The following CFAP70 variants were observed in gnomAD, a reference collection of about 807,000 sequenced individuals.
CFAP70 encodes the protein cilia and flagella associated protein 70, also known as cilia- and flagella-associated protein 70.
In CFAP70, 81 loss-of-function variants were observed where a neutral mutation model predicts 137.6. The ratio of observed to expected loss-of-function variants is 0.59; its 90% confidence interval spans 0.49 to 0.71. The LOEUF (loss-of-function observed/expected upper bound fraction) is 0.71, where lower values mean the gene tolerates loss of function less well. CFAP70 is among the 30% of genes least tolerant of loss of function. The pLI, the probability that CFAP70 is intolerant of heterozygous loss-of-function variation, is 0.00. For missense variants in CFAP70, 976 were observed against 1,226.7 expected (o/e 0.80, Z 3.05); for synonymous variants, 382 against 423.6 (o/e 0.90, Z 1.20).
chr10:73,316,475 T>TATAG (rs1410688655), intron 9 of CFAP70, among the ~76,000 whole-genome samples: 12 of 116,326 alleles, frequency 1.0e-4, no homozygotes, highest in African/African-American at 3.4e-4. Flanking sequence ...TATATATATA[T>TATAG]ATATAGATAT....
At chr10:73,255,617 C>T (rs1407707658) in intron 26 of CFAP70, among the ~76,000 whole-genome samples, 1 of 150,438 alleles carries the variant, frequency 6.6e-6, no homozygotes, top group Non-Finnish European at 1.5e-5. Flanking sequence ...CAATCCAGCT[C>T]ACTACCTGTT....
chr10:73,332,144 A>G (rs568892269), intron 7 of CFAP70, among the ~76,000 whole-genome samples: 34 of 152,338 alleles, frequency 2.2e-4, no homozygotes, highest in African/African-American at 7.5e-4. Context: ...GCAGAAGTCA[A>G]TGGTGCCAGC....
At chr10:73,321,518 G>T (rs1278203128) in intron 9 of CFAP70, among the ~76,000 whole-genome samples, 1 of 152,078 alleles carries the variant, frequency 6.6e-6, no homozygotes, top group Non-Finnish European at 1.5e-5. Flanking sequence ...AGATGATGGG[G>T]TTTTCATAAA....
chr10:73,336,580 C>CTTTT (rs58611619), intron 6 of CFAP70, among the ~76,000 whole-genome samples: 9 of 124,250 alleles, frequency 7.2e-5, no homozygotes, highest in East Asian at 2.5e-4. Flanking sequence ...TACTATTTTC[C>CTTTT]TTTTTTTTTT....
At chr10:73,277,658 A>G (rs1045693354) in intron 20 of CFAP70, among the ~76,000 whole-genome samples, 14 of 151,940 alleles carry the variant, frequency 9.2e-5, no homozygotes, top group Admixed American at 5.9e-4. Flanking sequence ...GGTTGCAGTG[A>G]GCCGAGATTG....
At chr10:73,330,129 TATA>T (rs769174470) in intron 8 of CFAP70, among the ~76,000 whole-genome samples, 2 of 152,170 alleles carry the variant, frequency 1.3e-5, no homozygotes, top group Non-Finnish European at 2.9e-5. Flanking sequence ...TTTCATCTAT[TATA>T]ATAATAATTG....
intron 12 of CFAP70, 140 bp downstream of exon 13, chr10:73,310,018 C>A: frequency 1.9e-6 from 1 of 529,790 alleles, no homozygotes; most frequent in Non-Finnish European, 3.3e-6. Context: ...AAAATAACAA[C>A]AACAACAAAA....
intron 19 of CFAP70, among the ~76,000 whole-genome samples, chr10:73,288,692 T>C (rs2047934741): frequency 6.6e-6 from 1 of 152,188 alleles, no homozygotes; most frequent in South Asian, 2.1e-4. Flanking sequence ...CACTTCTGGA[T>C]TGGACAGAAT....
rs1479516421 is a variant in CFAP70 at position 73,351,067 on chromosome 10, GTGTGTATA to G, written c.250+2481_250+2488del. Reference sequence around the variant, plus strand: ...TATATGTGTGTGTGTGTGTGTGTGTGTGTGTATATATATATATATATATATATATATAT... The same window carrying G: ...TATATGTGTGTGTGTGTGTGTGTGTGTATATATATATATATATATATATAT... On this transcript the variant is annotated intron_variant, in intron 3 of 26. Coordinates refer to ENST00000310715, the Ensembl canonical transcript of CFAP70. 5.3e-3 allele frequency among the ~76,000 whole-genome samples: 340 copies of G among 63,990 alleles called. 1 individual carries two copies. Among genetic ancestry groups the G allele is most frequent in the African/African-American group, 0.023 (296 of 12,906 alleles). The allele number at this position is 63,990 out of a possible 152,430, so 42.0% of individuals were successfully genotyped here.
At chr10:73,357,922 G>C (rs944299840) in intron 1 of CFAP70, among the ~76,000 whole-genome samples, 1 of 152,118 alleles carries the variant, frequency 6.6e-6, no homozygotes, top group Admixed American at 6.5e-5. Flanking sequence ...GTCTTTTGTG[G>C]CATTACCACA....
At chr10:73,351,497 G>C (rs1384241232) in intron 3 of CFAP70, among the ~76,000 whole-genome samples, 1 of 151,644 alleles carries the variant, frequency 6.6e-6, no homozygotes, top group Non-Finnish European at 1.5e-5. Flanking sequence ...GCAGTGGTAT[G>C]ATCTCGGCTC....
chr10:73,256,172 C>T (rs16930480), intron 26 of CFAP70, among the ~76,000 whole-genome samples, 197 bp downstream of exon 27: 16,054 of 152,134 alleles, frequency 0.11, 1,223 homozygotes, highest in East Asian at 0.3. Context: ...CTCTAAAGAG[C>T]TGGAAGAAAG....
At chr10:73,309,385 A>G (rs1263503958) in intron 12 of CFAP70, among the ~76,000 whole-genome samples, 2 of 152,124 alleles carry the variant, frequency 1.3e-5, no homozygotes, top group Non-Finnish European at 2.9e-5. Context: ...TGTGTAATAT[A>G]GGGGGCTTTA....
intron 6 of CFAP70, among the ~76,000 whole-genome samples, chr10:73,339,103 G>C (rs1294414053): frequency 6.6e-6 from 1 of 151,694 alleles, no homozygotes; most frequent in Non-Finnish European, 1.5e-5. Flanking sequence ...ATTTTTAGTA[G>C]AGACAGAGTT....
rs1334883213 is a variant in CFAP70, at chr10:73,272,883, G to A, written c.2925+45C>T. The A allele has an allele frequency of 2.0e-6, 3 of 1,502,424 alleles. No homozygotes were observed. The Admixed American group carries it at 5.9e-5, about 29-fold the overall frequency. 93.1% of individuals were successfully genotyped at this position (1,502,424 alleles called of 1,614,324 possible). A position where few individuals can be genotyped will look rare whatever the true frequency, so the allele number is the denominator to read the frequency against. ...ATGCTTGGAAGGCCAAGGAATCAAG[G>A]TCAGCTGTATCCACAGCCCTAGTCT... On this transcript the variant is annotated intron_variant, in intron 24 of 26. Coordinates refer to ENST00000310715, the Ensembl canonical transcript of CFAP70.
chr10:73,349,552 A>G (rs1158262860), intron 3 of CFAP70, among the ~76,000 whole-genome samples: 3 of 152,062 alleles, frequency 2.0e-5, no homozygotes, highest in Non-Finnish European at 4.4e-5. Flanking sequence ...CAAAAAAAAA[A>G]AAAAGAAAAA....
intron 8 of CFAP70, among the ~76,000 whole-genome samples, chr10:73,329,044 T>C (rs977683466): frequency 8.6e-5 from 13 of 151,864 alleles, no homozygotes; most frequent in Non-Finnish European, 1.6e-4. Context: ...TGCACACATA[T>C]GTTTATTGCG....
intron 8 of CFAP70, among the ~76,000 whole-genome samples, chr10:73,328,728 C>T (rs1247042905): frequency 2.0e-5 from 3 of 148,970 alleles, no homozygotes; most frequent in East Asian, 2.0e-4. Context: ...AGCCAAAAAA[C>T]ACATGAAAAA....
chr10:73,324,777 G>T (rs1391476425), intron 8 of CFAP70, among the ~76,000 whole-genome samples: 1 of 151,952 alleles, frequency 6.6e-6, no homozygotes, highest in Non-Finnish European at 1.5e-5. Flanking sequence ...GAGAAGGGAA[G>T]TTTAGAGAAA....
Sources: gnomAD v4.1 joint callset for allele counts (sites outside exome capture counted in the v4.1 genomes callset) on GRCh38, gnomAD v4.1.1 for gene constraint, MANE v1.5 for transcripts, NCBI Gene and HGNC (gene_info 2026-07-23, HGNC 2026-07-21) for gene names.